Variants in IDH2 observed in about 807,000 individuals in gnomAD.
The protein encoded by IDH2 is isocitrate dehydrogenase [NADP], mitochondrial.
In IDH2, 18 loss-of-function variants were observed where a neutral mutation model predicts 50.5. That is an observed-to-expected ratio of 0.36 (90% CI 0.25 to 0.53). IDH2 has a LOEUF of 0.53. Among genes scored for constraint, IDH2 ranks in the 20% least tolerant of loss-of-function variants. The pLI is 0.92. For synonymous variants in IDH2, 280 were observed against 239.8 expected, an observed-to-expected ratio of 1.17 and a Z score of -1.55; for missense variants, 518 against 610.7, an observed-to-expected ratio of 0.85 and a Z score of 1.60.
Position 90,085,524 on chromosome 15 carries a change from GA to G in IDH2, c.968-138del. 1 of 720,462 alleles carries G rather than the reference GA, an allele frequency of 1.4e-6. No individual in the cohort carries two copies. Among genetic ancestry groups the G allele is most frequent in the Non-Finnish European group, 2.5e-6 (1 of 402,230 alleles). The allele number at this position is 720,462 out of a possible 1,614,324, so 44.6% of individuals were successfully genotyped here. A position where few individuals can be genotyped will look rare whatever the true frequency, so the allele number is the denominator to read the frequency against. ...CTCAGCCTCCCCCAGCTGCAACTGGGAGGACAGGGACTGTTCCAGGTCTCTT... is the reference window on the plus strand; with the variant it reads ...CTCAGCCTCCCCCAGCTGCAACTGGGGGACAGGGACTGTTCCAGGTCTCTT... On this transcript the variant is annotated intron_variant, in intron 7 of 10. Coordinates refer to ENST00000330062, the MANE Select transcript of IDH2 (RefSeq NM_002168.4). This position sits in a 1 kb window ranked among gnomAD's most constrained non-coding sequence, Gnocchi z 5.5.
intron 6 of IDH2, 26 bp downstream of exon 6, chr15:90,087,413 C>T (rs1177561793): frequency 1.2e-6 from 2 of 1,614,034 alleles, no homozygotes; most frequent in Admixed American, 3.3e-5. Context: ...GAAGAAAGGC[C>T]ACAGAGTACA....
At position 90,100,043 on chromosome 15, in the gene IDH2, C is replaced by T. The variant is rs1901288245; in HGVS notation, c.115+2233G>A. On this transcript the variant is annotated intron_variant, in intron 1 of 10. Transcript: ENST00000330062. This position sits in a 1 kb window ranked among gnomAD's most constrained non-coding sequence, Gnocchi z 4.1. ...ACTGAATGTGTTTCCTCCCCTCTCACCCATCTGGTATGCATTGCCACACAG... is the reference window on the plus strand; with the variant it reads ...ACTGAATGTGTTTCCTCCCCTCTCATCCATCTGGTATGCATTGCCACACAG... 6.6e-6 allele frequency among the ~76,000 whole-genome samples: 1 copy of T among 152,116 alleles called. No individual in the cohort carries two copies. The highest frequency in any genetic ancestry group is 1.9e-4 in the East Asian group (1 of 5,194).
chr15:90,098,586 C>G lies in IDH2; in HGVS notation c.115+3690G>C, dbSNP rs1399215678. 9.0e-6 allele frequency among the ~76,000 whole-genome samples: 1 copy of G among 110,976 alleles called. No individual in the cohort carries two copies. Among genetic ancestry groups the G allele is most frequent in the Non-Finnish European group, 2.1e-5 (1 of 46,696 alleles). 72.8% of individuals were successfully genotyped at this position (110,976 alleles called of 152,430 possible). A position where few individuals can be genotyped will look rare whatever the true frequency, so the allele number is the denominator to read the frequency against. ...TTGAGACAGAGTCTCACTCTGTCGC[C>G]TACACTGGAGGGCAGTGGCGTGATC... is the stretch of plus-strand genomic sequence containing the variant. On this transcript the variant is annotated intron_variant, in intron 1 of 10. Transcript: ENST00000330062. The surrounding 1 kb of genome is among the most constrained non-coding windows in gnomAD (Gnocchi z 5.1).
At chr15:90,101,906 C>T (rs538199780) in intron 1 of IDH2, among the ~76,000 whole-genome samples, 1 of 152,004 alleles carries the variant, frequency 6.6e-6, no homozygotes, top group South Asian at 2.1e-4. Context: ...TCCAGCCCCC[C>T]ACGGGTGCTC....
chr15:90,099,244 C>A (rs780893217), intron 1 of IDH2, among the ~76,000 whole-genome samples: 9 of 152,144 alleles, frequency 5.9e-5, no homozygotes, highest in Non-Finnish European at 1.0e-4. Flanking sequence ...CACTGCCGAA[C>A]CTCATCCTGT....
rs535370063 is a variant in IDH2, at chr15:90,084,684, C to G, written c.1271+132G>C. The G allele has an allele frequency of 1.4e-4, 111 of 805,942 alleles. No homozygotes were observed. The African/African-American group carries it at 1.7e-3, about 12-fold the overall frequency. 49.9% of individuals were successfully genotyped at this position (805,942 alleles called of 1,614,324 possible). A position where few individuals can be genotyped will look rare whatever the true frequency, so the allele number is the denominator to read the frequency against. On this transcript the variant is annotated intron_variant, in intron 10 of 10. Coordinates refer to ENST00000330062, the MANE Select transcript of IDH2 (RefSeq NM_002168.4). The surrounding 1 kb of genome is among the most constrained non-coding windows in gnomAD (Gnocchi z 5.0). ...CTACAGAGGCTGGCCTGAGCAGTCTCTCAGGGCTGTGGACATGTCCTGCCC... is the reference window on the plus strand; with the variant it reads ...CTACAGAGGCTGGCCTGAGCAGTCTGTCAGGGCTGTGGACATGTCCTGCCC...
intron 1 of IDH2, among the ~76,000 whole-genome samples, chr15:90,094,442 G>C (rs560673244): frequency 6.6e-6 from 1 of 152,342 alleles, no homozygotes; most frequent in South Asian, 2.1e-4. Flanking sequence ...AATCTCACCA[G>C]CTCAGCTGAG....
At chr15:90,086,697 TG>T (rs781458963) in intron 7 of IDH2, among the ~76,000 whole-genome samples, 14 of 152,164 alleles carry the variant, frequency 9.2e-5, no homozygotes, top group Non-Finnish European at 1.6e-4. Flanking sequence ...CCCTAGGGCT[TG>T]GGGGTTTGCA....
At chr15:90,093,606 A>AT (rs5814411) in intron 1 of IDH2, among the ~76,000 whole-genome samples, 15,585 of 150,528 alleles carry the variant, frequency 0.1, 977 homozygotes, top group Middle Eastern at 0.17. Flanking sequence ...TATTTAATTA[A>AT]TTAATTTATT....
chr15:90,101,342 C>G (rs1901325531), intron 1 of IDH2, among the ~76,000 whole-genome samples: 1 of 152,156 alleles, frequency 6.6e-6, no homozygotes, highest in Non-Finnish European at 1.5e-5. Flanking sequence ...TAGGCAGGGC[C>G]AAGGGACCTA....
Position 90,084,067 on chromosome 15 carries a change from G to A in IDH2, c.*199C>T. 1.7e-6 allele frequency: 1 copy of A among 602,622 alleles called. No homozygotes were observed. Among genetic ancestry groups the A allele is most frequent in the Non-Finnish European group, 3.0e-6 (1 of 336,616 alleles). The allele number at this position is 602,622 out of a possible 1,614,324, so 37.3% of individuals were successfully genotyped here. ...AGTATGCAAAACATACTGACTGGCT[G>A]AGGTAAAACGCACTGCTCCTGCCTC... On this transcript the variant is annotated 3_prime_UTR_variant, in exon 11 of 11. Transcript: ENST00000330062. This position sits in a 1 kb window ranked among gnomAD's most constrained non-coding sequence, Gnocchi z 5.0.
chr15:90,086,559 C>T (rs1474765101), intron 7 of IDH2, among the ~76,000 whole-genome samples: 1 of 151,980 alleles, frequency 6.6e-6, no homozygotes, highest in Non-Finnish European at 1.5e-5. Context: ...GTGCCCGCCT[C>T]CATGCCCAGC....
At chr15:90,096,685 CGGGT>C (rs1308140669) in intron 1 of IDH2, among the ~76,000 whole-genome samples, 8 of 152,196 alleles carry the variant, frequency 5.3e-5, no homozygotes, top group Admixed American at 4.6e-4. Context: ...AAGGCTGAGG[CGGGT>C]GGATCACGAG....
rs1900827417 is a variant in IDH2 at position 90,085,227 on chromosome 15, G to A, written c.1080+48C>T. ...CCAGCCCTCAGCCCAGTGGGCTTTA[G>A]GCCCCTGGGGTAGAGGGGCATTGTG... On this transcript the variant is annotated intron_variant, in intron 8 of 10. Coordinates refer to ENST00000330062, the MANE Select transcript of IDH2 (RefSeq NM_002168.4). This position sits in a 1 kb window ranked among gnomAD's most constrained non-coding sequence, Gnocchi z 5.5. 1 of 1,515,016 alleles carries A rather than the reference G, an allele frequency of 6.6e-7. No homozygotes were observed. The highest frequency in any genetic ancestry group is 1.9e-5 in the Admixed American group (1 of 52,584). 93.8% of individuals were successfully genotyped at this position (1,515,016 alleles called of 1,614,324 possible). A position where few individuals can be genotyped will look rare whatever the true frequency, so the allele number is the denominator to read the frequency against.
chr15:90,093,687 T>C (rs1264459632), intron 1 of IDH2, among the ~76,000 whole-genome samples: 1 of 152,198 alleles, frequency 6.6e-6, no homozygotes, highest in Non-Finnish European at 1.5e-5. Context: ...TGGCGTGATC[T>C]CGGCTCACTG....
rs779080885 is a variant in IDH2, at chr15:90,084,476, T to A, written c.1272-123A>T. 1 of 887,654 alleles carries A rather than the reference T, an allele frequency of 1.1e-6. No individual in the cohort carries two copies. The highest frequency in any genetic ancestry group is 1.8e-6 in the Non-Finnish European group (1 of 552,660). 55.0% of individuals were successfully genotyped at this position (887,654 alleles called of 1,614,324 possible). ...AACAGCCATCTCCTGCCACCCAGAC[T>A]ACAGGCCAGAGGCCAGCTATAGCCC... On this transcript the variant is annotated intron_variant, in intron 10 of 10. Coordinates refer to ENST00000330062, the MANE Select transcript of IDH2 (RefSeq NM_002168.4). This position sits in a 1 kb window ranked among gnomAD's most constrained non-coding sequence, Gnocchi z 5.0.
intron 3 of IDH2, among the ~76,000 whole-genome samples, chr15:90,089,401 T>A (rs1194846436): frequency 1.3e-5 from 2 of 152,314 alleles, no homozygotes; most frequent in East Asian, 3.9e-4. Flanking sequence ...ACATCACACA[T>A]GGAGGGAGTA....
intron 5 of IDH2, 108 bp from the exon 6 acceptor site, chr15:90,087,683 G>T: frequency 7.8e-7 from 1 of 1,288,512 alleles, no homozygotes; most frequent in Non-Finnish European, 1.1e-6. Flanking sequence ...GTACCCCGCC[G>T]CCCACGCGAC....
chr15:90,085,213 CCCAGTGGGCTT>C lies in IDH2; in HGVS notation c.1080+51_1080+61del, dbSNP rs1900827274. 1 of 1,528,076 alleles carries C rather than the reference CCCAGTGGGCTT, an allele frequency of 6.5e-7. No individual in the cohort carries two copies. Among genetic ancestry groups the C allele is most frequent in the Non-Finnish European group, 9.0e-7 (1 of 1,113,498 alleles). 94.7% of individuals were successfully genotyped at this position (1,528,076 alleles called of 1,614,324 possible). A position where few individuals can be genotyped will look rare whatever the true frequency, so the allele number is the denominator to read the frequency against. The stretch of plus-strand genomic sequence containing the variant: ...TCAGGCTCGTCCTTCCAGCCCTCAG[CCCAGTGGGCTT>C]TAGGCCCCTGGGGTAGAGGGGCATT... On this transcript the variant is annotated intron_variant, in intron 8 of 10. Coordinates refer to ENST00000330062, the MANE Select transcript of IDH2 (RefSeq NM_002168.4). The surrounding 1 kb of genome is among the most constrained non-coding windows in gnomAD (Gnocchi z 5.5).
Sources: allele counts gnomAD v4.1 joint callset (sites outside exome capture counted in the v4.1 genomes callset), GRCh38; gene constraint gnomAD v4.1.1; non-coding constraint Gnocchi (gnomAD v3.1); transcripts MANE v1.5; gene names NCBI Gene and HGNC (gene_info 2026-07-23, HGNC 2026-07-21).